Variants in NARS2 observed in about 807,000 individuals in gnomAD.
NARS2 encodes asparaginyl-tRNA synthetase.
A neutral mutation model predicts 62.9 loss-of-function variants in NARS2; 60 were observed. That is an observed-to-expected ratio of 0.95 (90% CI 0.77 to 1.18). NARS2 has a LOEUF of 1.18. Among genes scored for constraint, NARS2 ranks in the 50% most tolerant of loss-of-function variants. NARS2 has a pLI of 0.00. For synonymous variants in NARS2, 196 were observed against 200.0 expected, an observed-to-expected ratio of 0.98 and a Z score of 0.17; for missense variants, 619 against 576.4, an observed-to-expected ratio of 1.07 and a Z score of -0.76.
chr11:78,451,361 T>C (rs1857966367), intron 11 of NARS2, among the ~76,000 whole-genome samples: 1 of 152,254 alleles, frequency 6.6e-6, no homozygotes, highest in South Asian at 2.1e-4. Flanking sequence ...AAACTACCTC[T>C]TTCTCCTGGG....
intron 13 of NARS2, among the ~76,000 whole-genome samples, chr11:78,439,326 A>C (rs1026187007): frequency 1.3e-5 from 2 of 152,078 alleles, no homozygotes; most frequent in African/African-American, 4.8e-5. Context: ...GCCGTGAGCC[A>C]CCGCACCCAC....
chr11:78,473,894 T>TA (rs1858979281), intron 9 of NARS2, among the ~76,000 whole-genome samples: 1 of 152,232 alleles, frequency 6.6e-6, no homozygotes, highest in Non-Finnish European at 1.5e-5. Context: ...TAATTCATTC[T>TA]GCTACGTCTA....
chr11:78,535,645 G>A lies in NARS2; in HGVS notation c.595-6709C>T, dbSNP rs190087167. Among the ~76,000 whole-genome samples, 227 of 136,260 alleles carry A rather than the reference G, an allele frequency of 1.7e-3. 1 individual carries two copies. Among genetic ancestry groups the A allele is most frequent in the Middle Eastern group, 0.012 (3 of 254 alleles). 89.4% of individuals were successfully genotyped at this position (136,260 alleles called of 152,430 possible). ...ATCCAGAAAGCTCTTTTTTTTTTTT[G>A]TGAGACAGAGTTTCACTCTTATTGC... On this transcript the variant is annotated intron_variant, in intron 5 of 13. Coordinates refer to ENST00000281038, the MANE Select transcript of NARS2 (RefSeq NM_024678.6).
rs1167838676 is a variant in NARS2, at chr11:78,563,829, CAAAAAA to C, written c.513+2297_513+2302del. Reference sequence around the variant, plus strand: ...CTGGGCAACAGAGTGAACTCTGTATCAAAAAAAAAAAAAAAAAAAAAAATATATATA... The same window carrying C: ...CTGGGCAACAGAGTGAACTCTGTATCAAAAAAAAAAAAAAAAATATATATA... On this transcript the variant is annotated intron_variant, in intron 4 of 13. Coordinates refer to ENST00000281038, the MANE Select transcript of NARS2 (RefSeq NM_024678.6). Among the ~76,000 whole-genome samples, 15 of 14,122 alleles carry C rather than the reference CAAAAAA, an allele frequency of 1.1e-3. No homozygotes were observed. In the East Asian group the frequency reaches 0.011, roughly 11 times the overall value. 9.3% of individuals were successfully genotyped at this position (14,122 alleles called of 152,430 possible). A position where few individuals can be genotyped will look rare whatever the true frequency, so the allele number is the denominator to read the frequency against.
chr11:78,461,371 G>A (rs1858387914), intron 11 of NARS2, among the ~76,000 whole-genome samples: 1 of 151,788 alleles, frequency 6.6e-6, no homozygotes, highest in African/African-American at 2.4e-5. Flanking sequence ...AGAAAAACAG[G>A]GATAATGTGA....
At chr11:78,491,898 A>C (rs898392148) in intron 7 of NARS2, among the ~76,000 whole-genome samples, 35 of 152,146 alleles carry the variant, frequency 2.3e-4, no homozygotes, top group Non-Finnish European at 1.5e-4. Flanking sequence ...TAGGTCATTT[A>C]CTGGGTAAGA....
intron 2 of NARS2, 61 bp downstream of exon 2, chr11:78,571,274 G>A (rs1324789675): frequency 6.8e-6 from 7 of 1,025,552 alleles, no homozygotes; most frequent in Non-Finnish European, 1.1e-5. Context: ...GAGTAGGGAA[G>A]TGAGAAGCAC....
At chr11:78,452,440 C>T (rs1483499367) in intron 11 of NARS2, among the ~76,000 whole-genome samples, 1 of 151,820 alleles carries the variant, frequency 6.6e-6, no homozygotes, top group African/African-American at 2.4e-5. Context: ...CAGGGTCTCA[C>T]TCTGCCACTC....
intron 4 of NARS2, among the ~76,000 whole-genome samples, chr11:78,563,239 G>C (rs1355095728): frequency 2.3e-5 from 2 of 88,810 alleles, no homozygotes; most frequent in African/African-American, 1.0e-4. Context: ...TTTTTTTTGA[G>C]ACAGAGTCTT....
At chr11:78,514,945 T>C (rs1001850707) in intron 6 of NARS2, among the ~76,000 whole-genome samples, 14 of 152,212 alleles carry the variant, frequency 9.2e-5, no homozygotes, top group African/African-American at 3.4e-4. Context: ...TATTCACTTC[T>C]TCCTGAGACA....
intron 11 of NARS2, among the ~76,000 whole-genome samples, chr11:78,451,825 C>G (rs545473462): frequency 6.6e-6 from 1 of 152,296 alleles, no homozygotes; most frequent in Admixed American, 6.5e-5. Flanking sequence ...ATGGCTCTTC[C>G]AGCCAATTCC....
At chr11:78,508,656 A>T (rs1484591370) in intron 6 of NARS2, among the ~76,000 whole-genome samples, 1 of 152,106 alleles carries the variant, frequency 6.6e-6, no homozygotes, top group Non-Finnish European at 1.5e-5. Flanking sequence ...TCCAAATCTG[A>T]TGAAAGATAT....
At chr11:78,458,219 A>G (rs1045762767) in intron 11 of NARS2, among the ~76,000 whole-genome samples, 7 of 152,350 alleles carry the variant, frequency 4.6e-5, no homozygotes, top group African/African-American at 1.7e-4. Context: ...CCAAAATACC[A>G]TTCTATATTC....
intron 6 of NARS2, among the ~76,000 whole-genome samples, chr11:78,521,875 T>C (rs1367976261): frequency 6.6e-6 from 1 of 151,366 alleles, no homozygotes; most frequent in East Asian, 1.9e-4. Flanking sequence ...AGAATTCAGA[T>C]CTTTATTTTT....
intron 9 of NARS2, among the ~76,000 whole-genome samples, chr11:78,477,878 A>G (rs1859168806): frequency 6.6e-6 from 1 of 152,102 alleles, no homozygotes; most frequent in Non-Finnish European, 1.5e-5. Flanking sequence ...AGCATCTACA[A>G]TTACGTGAGC....
At chr11:78,475,547 G>T (rs563868150) in intron 9 of NARS2, among the ~76,000 whole-genome samples, 1 of 146,670 alleles carries the variant, frequency 6.8e-6, no homozygotes, top group African/African-American at 2.5e-5. Context: ...GTTCCCAAGC[G>T]CCACATCTTT....
At chr11:78,439,636 C>G (rs1857514984) in intron 13 of NARS2, among the ~76,000 whole-genome samples, 2 of 152,020 alleles carry the variant, frequency 1.3e-5, no homozygotes, top group Admixed American at 1.3e-4. Flanking sequence ...AAGGTCATTA[C>G]TGGTTAATAT....
intron 11 of NARS2, among the ~76,000 whole-genome samples, chr11:78,448,935 T>C (rs567656512): frequency 2.0e-5 from 3 of 152,204 alleles, no homozygotes; most frequent in Non-Finnish European, 4.4e-5. Context: ...ATTCTTTTAA[T>C]GCTATGTTTA....
At chr11:78,564,745 CAA>C (rs1289246419) in intron 4 of NARS2, among the ~76,000 whole-genome samples, 1 of 152,244 alleles carries the variant, frequency 6.6e-6, no homozygotes, top group Non-Finnish European at 1.5e-5. Context: ...AGCTGCATAG[CAA>C]AGTTTCTGAC....
Sources: allele counts gnomAD v4.1 joint callset (sites outside exome capture counted in the v4.1 genomes callset), GRCh38; gene constraint gnomAD v4.1.1; transcripts MANE v1.5; gene names NCBI Gene and HGNC (gene_info 2026-07-23, HGNC 2026-07-21).